The following DLG5 variants were observed in gnomAD, a reference collection of about 807,000 sequenced individuals.
DLG5 encodes the protein disks large homolog 5.
A neutral mutation model predicts 189.8 loss-of-function variants in DLG5; 48 were observed. That is an observed-to-expected ratio of 0.25 (90% CI 0.20 to 0.32). The LOEUF is 0.32. Ranked by LOEUF, DLG5 falls within the 10% of genes least tolerant of loss-of-function variation. DLG5 has a pLI of 1.00. For missense variants in DLG5, 2,160 were observed against 2,544.7 expected, an observed-to-expected ratio of 0.85 and a Z score of 3.25; for synonymous variants, 1,016 against 1,054.1, an observed-to-expected ratio of 0.96 and a Z score of 0.70.
chr10:77,796,087 C>T lies in DLG5; in HGVS notation c.5410G>A (p.Ala1804Thr). 6.2e-7 allele frequency: 1 copy of T among 1,614,218 alleles called. No individual in the cohort carries two copies. The highest frequency in any genetic ancestry group is 8.5e-7 in the Non-Finnish European group (1 of 1,180,048). ...TTTTCTGTGATCTCCTTTATTGACG[C>T]CACAGTGGTCACATCGAAATGGCCG... is the stretch of plus-strand genomic sequence containing the variant. ...RSGHFDVTTV[A>T]SIKEITEKNR... Residue 1804 changes from alanine (A) to threonine (T), a missense_variant, in exon 29 of 32, where the codon GCG becomes ACG. Ala to Thr is a moderately conservative substitution (Grantham distance 58). Around this residue, in one of 5 missense-constraint regions of DLG5, gnomAD observed 574 missense variants for 644.2 expected, o/e 0.89. Transcript: ENST00000372391. The surrounding 1 kb of genome is among the most constrained non-coding windows in gnomAD (Gnocchi z 5.2).
intron 5 of DLG5, 21 bp downstream of exon 5, chr10:77,853,333 G>T (rs74931097): frequency 0.032 from 47,078 of 1,470,480 alleles, 1,736 homozygotes; most frequent in East Asian, 0.23. Flanking sequence ...GAAATGGCCA[G>T]TCTCCAGGGG....
At chr10:77,919,496 G>C (rs1037928835) in intron 1 of DLG5, among the ~76,000 whole-genome samples, 39 of 148,322 alleles carry the variant, frequency 2.6e-4, no homozygotes, top group African/African-American at 9.6e-4. Context: ...TGTTGAACTG[G>C]GGGAAAAAAA....
At chr10:77,836,924 T>C (rs1843167964) in intron 7 of DLG5, among the ~76,000 whole-genome samples, 1 of 151,740 alleles carries the variant, frequency 6.6e-6, no homozygotes, top group Non-Finnish European at 1.5e-5. Context: ...TTAAAAAGAA[T>C]TATTTGGGGG....
intron 3 of DLG5, 122 bp downstream of exon 3, chr10:77,856,608 G>A: frequency 1.6e-6 from 2 of 1,282,596 alleles, no homozygotes; most frequent in East Asian, 2.4e-5. Flanking sequence ...GGGGGAAAGG[G>A]GACACTCAGG....
At chr10:77,889,871 C>T (rs750609092) in intron 1 of DLG5, among the ~76,000 whole-genome samples, 25 of 152,018 alleles carry the variant, frequency 1.6e-4, no homozygotes, top group Non-Finnish European at 2.9e-4. Flanking sequence ...AGACATGGTA[C>T]GGTGGACACA....
At chr10:77,881,760 T>C (rs1444889357) in intron 1 of DLG5, among the ~76,000 whole-genome samples, 1 of 152,168 alleles carries the variant, frequency 6.6e-6, no homozygotes, top group African/African-American at 2.4e-5. Flanking sequence ...CATCCCATAA[T>C]GGCATGTTCC....
intron 1 of DLG5, among the ~76,000 whole-genome samples, chr10:77,887,118 C>T (rs1005827595): frequency 1.3e-5 from 2 of 152,196 alleles, no homozygotes; most frequent in African/African-American, 4.8e-5. Context: ...CACCCACATA[C>T]ACTATCTCAC....
chr10:77,925,576 G>A (rs1191185052), intron 1 of DLG5, among the ~76,000 whole-genome samples: 2 of 152,198 alleles, frequency 1.3e-5, no homozygotes, highest in Non-Finnish European at 2.9e-5. Context: ...TGCTCTCAGG[G>A]AGAGAACTTA....
chr10:77,815,661 C>CA (rs912456613), intron 20 of DLG5, among the ~76,000 whole-genome samples: 18 of 150,850 alleles, frequency 1.2e-4, no homozygotes, highest in African/African-American at 4.4e-4. Context: ...AACTCTGTCT[C>CA]AAAAAAAAAT....
chr10:77,834,087 G>C, intron 8 of DLG5, 48 bp from the exon 9 acceptor site: 1 of 1,580,040 alleles, frequency 6.3e-7, no homozygotes, highest in Non-Finnish European at 8.6e-7. Context: ...GCATGGGGAA[G>C]GGGGTTCCTG....
intron 7 of DLG5, among the ~76,000 whole-genome samples, chr10:77,840,856 C>T (rs906761021): frequency 6.6e-6 from 1 of 152,190 alleles, no homozygotes; most frequent in Non-Finnish European, 1.5e-5. Context: ...CGAGGAGTTG[C>T]TGTCGGTTGA....
At chr10:77,875,802 G>A (rs1052890047) in intron 1 of DLG5, among the ~76,000 whole-genome samples, 64 of 151,522 alleles carry the variant, frequency 4.2e-4, no homozygotes, top group African/African-American at 1.5e-3. Context: ...CAGGAGGGAA[G>A]AAAGGTGGCA....
chr10:77,911,977 T>C (rs944686222), intron 1 of DLG5, among the ~76,000 whole-genome samples: 9 of 149,566 alleles, frequency 6.0e-5, no homozygotes, highest in African/African-American at 2.2e-4. Flanking sequence ...GGAGGGAGGA[T>C]CACTTAAGGC....
At chr10:77,816,515 G>T in intron 20 of DLG5, 36 bp downstream of exon 20, 1 of 1,613,758 alleles carries the variant, frequency 6.2e-7, no homozygotes, top group Non-Finnish European at 8.5e-7. Flanking sequence ...ACTGTCCACT[G>T]GTTTACCCAC....
intron 26 of DLG5, 134 bp downstream of exon 26, chr10:77,806,624 G>A (rs1296918693): frequency 4.8e-6 from 6 of 1,252,968 alleles, no homozygotes; most frequent in South Asian, 4.1e-5. Flanking sequence ...AATGTAGAGA[G>A]CAGAAGCTAA....
chr10:77,930,392 G>A (rs1004704221), upstream of DLG5, among the ~76,000 whole-genome samples: 1 of 151,914 alleles, frequency 6.6e-6, no homozygotes, highest in African/African-American at 2.4e-5. Flanking sequence ...CTGTCACCCA[G>A]GCTGGAGTGC....
chr10:77,842,091 G>A lies in DLG5; in HGVS notation c.1227C>T (p.Thr409=). ...LLQSELTELR[T]TQVKTAKESE... The stretch of plus-strand genomic sequence containing the variant: ...ACTCCTTTGCTGTCTTCACCTGCGT[G>A]GTTCTCAGCTCGGTCAGCTCTGACT... Residue 409 remains threonine, a synonymous_variant, in exon 7 of 32, where the codon ACC becomes ACT. Transcript: ENST00000372391. 6.2e-7 allele frequency: 1 copy of A among 1,613,800 alleles called. No homozygotes were observed. Among genetic ancestry groups the A allele is most frequent in the South Asian group, 1.1e-5 (1 of 91,090 alleles).
Position 77,820,027 on chromosome 10 carries a change from G to A in DLG5, c.3403-9C>T, listed in dbSNP as rs1461764866. 2 of 1,612,834 alleles carry A rather than the reference G, an allele frequency of 1.2e-6. No individual in the cohort carries two copies. Among genetic ancestry groups the A allele is most frequent in the South Asian group, 2.2e-5 (2 of 91,076 alleles). ...GGGACACACTTCTGTTCCTGCAGATGCAAGGGCAAGAGTGTCTGCTAGAAA... is the reference window on the plus strand; with the variant it reads ...GGGACACACTTCTGTTCCTGCAGATACAAGGGCAAGAGTGTCTGCTAGAAA... On this transcript the variant is annotated splice_polypyrimidine_tract_variant and intron_variant, in intron 15 of 31. Transcript: ENST00000372391.
intron 2 of DLG5, among the ~76,000 whole-genome samples, chr10:77,858,079 GGC>G (rs1179565674): frequency 5.9e-5 from 9 of 152,128 alleles, no homozygotes; most frequent in Admixed American, 2.6e-4. Context: ...GGGAGCTCAG[GGC>G]CAGGCATGAC....
Sources: allele counts gnomAD v4.1 joint callset (sites outside exome capture counted in the v4.1 genomes callset), GRCh38; gene constraint gnomAD v4.1.1; regional missense constraint gnomAD v4.1.1; non-coding constraint Gnocchi (gnomAD v3.1); transcripts MANE v1.5; gene names NCBI Gene and HGNC (gene_info 2026-07-23, HGNC 2026-07-21).